NPEPPS: variants seen among roughly 807,000 people sequenced by gnomAD.
NPEPPS encodes puromycin-sensitive aminopeptidase.
Under a neutral mutation model 115.5 loss-of-function variants are expected in NPEPPS, and 14 were observed. The observed-to-expected ratio is 0.12, with a 90% CI of 0.08 to 0.19. The LOEUF (loss-of-function observed/expected upper bound fraction) is 0.19, where lower values mean the gene tolerates loss of function less well. Among genes scored for constraint, NPEPPS ranks in the 10% least tolerant of loss-of-function variants. The pLI, the probability that NPEPPS is intolerant of heterozygous loss-of-function variation, is 1.00. For synonymous variants in NPEPPS, 285 were observed against 390.6 expected, an observed-to-expected ratio of 0.73 and a Z score of 3.19; for missense variants, 523 against 1,110.8, an observed-to-expected ratio of 0.47 and a Z score of 7.52.
At chr17:47,550,366 C>T (rs1367081560) in intron 2 of NPEPPS, among the ~76,000 whole-genome samples, 2 of 139,174 alleles carry the variant, frequency 1.4e-5, no homozygotes, top group Middle Eastern at 4.0e-3. Flanking sequence ...CTTGCTGTAT[C>T]GCCCAGGCTG....
chr17:47,531,157 C>T lies in NPEPPS; in HGVS notation c.-144C>T, dbSNP rs1220755709. The T allele has an allele frequency of 7.5e-6, 8 of 1,073,120 alleles. No individual in the cohort carries two copies. Among genetic ancestry groups the T allele is most frequent in the Non-Finnish European group, 8.4e-6 (7 of 831,746 alleles). 66.5% of individuals were successfully genotyped at this position (1,073,120 alleles called of 1,614,324 possible). A position where few individuals can be genotyped will look rare whatever the true frequency, so the allele number is the denominator to read the frequency against. On this transcript the variant is annotated 5_prime_UTR_variant, in exon 1 of 23. Coordinates refer to ENST00000322157, the MANE Select transcript of NPEPPS (RefSeq NM_006310.4). ...GCGGGCCCTCCTCCCCTTCCCTCCC[C>T]TCCGCCCCCTTCCCCGTAGGCAGCC...
chr17:47,612,123 C>G (rs995357344), intron 17 of NPEPPS, among the ~76,000 whole-genome samples: 2 of 151,992 alleles, frequency 1.3e-5, no homozygotes, highest in African/African-American at 4.8e-5. Context: ...TTCTTTGAAC[C>G]TTGGGTCAAA....
chr17:47,557,720 T>G lies in NPEPPS; in HGVS notation c.341-11697T>G, dbSNP rs867932536. Among the ~76,000 whole-genome samples the G allele has an allele frequency of 8.1e-5, 12 of 149,030 alleles. No homozygotes were observed. The South Asian group carries it at 8.8e-4, about 11-fold the overall frequency. On this transcript the variant is annotated intron_variant, in intron 2 of 22. Coordinates refer to ENST00000322157, the MANE Select transcript of NPEPPS (RefSeq NM_006310.4). The stretch of plus-strand genomic sequence containing the variant: ...ATGGCTGTTGTTGCTTGCTGCTGCT[T>G]CTTTCCTATTTTTGTTGATAGCTTT...
chr17:47,568,198 C>T (rs1022191804), intron 2 of NPEPPS, among the ~76,000 whole-genome samples: 3 of 148,862 alleles, frequency 2.0e-5, no homozygotes, highest in Non-Finnish European at 4.4e-5. Context: ...GAGTCTCGCT[C>T]TGTCGCCCAG....
chr17:47,584,848 G>A (rs1221128965), intron 5 of NPEPPS, among the ~76,000 whole-genome samples: 4 of 152,140 alleles, frequency 2.6e-5, no homozygotes, highest in Admixed American at 2.6e-4. Context: ...TTATTTTTGA[G>A]AAGGAGTCTC....
intron 1 of NPEPPS, among the ~76,000 whole-genome samples, chr17:47,525,901 A>G (rs1243733754): frequency 1.3e-5 from 2 of 152,228 alleles, no homozygotes; most frequent in Non-Finnish European, 2.9e-5. Context: ...AAAGATACAC[A>G]TATAAAATAA....
Position 47,619,126 on chromosome 17 carries a change from C to A in NPEPPS, c.2521C>A (p.Arg841=). 2 of 1,613,760 alleles carry A rather than the reference C, an allele frequency of 1.2e-6. No individual in the cohort carries two copies. The highest frequency in any genetic ancestry group is 1.7e-6 in the Non-Finnish European group (2 of 1,179,798). The change falls in exon 21 of 23, where the codon CGA becomes AGA. Residue 841 remains arginine, a synonymous_variant. Coordinates refer to ENST00000322157, the MANE Select transcript of NPEPPS (RefSeq NM_006310.4). ...IKDNWEELYN[R]YQGGFLISRL... is the part of the protein sequence containing the mutation. Reference sequence around the variant, plus strand: ...GGACAACTGGGAAGAACTTTATAACCGATACCAGGGAGGATTCTTAATATC... The same window carrying A: ...GGACAACTGGGAAGAACTTTATAACAGATACCAGGGAGGATTCTTAATATC...
rs1319402363 is a variant in NPEPPS, at chr17:47,585,116, C to T, written c.649-384C>T. ...TGCTGGTATTACAGGCGTGAGCCAC[C>T]GCGCCTAGCCCCTATTTTATTTTTA... is the stretch of plus-strand genomic sequence containing the variant. On this transcript the variant is annotated intron_variant, in intron 5 of 22. Coordinates refer to ENST00000322157, the MANE Select transcript of NPEPPS (RefSeq NM_006310.4). Among the ~76,000 whole-genome samples, 4 of 152,170 alleles carry T rather than the reference C, an allele frequency of 2.6e-5. No homozygotes were observed. In the South Asian group the frequency reaches 6.2e-4, roughly 24 times the overall value.
At chr17:47,532,128 G>C (rs1907838931) in intron 1 of NPEPPS, among the ~76,000 whole-genome samples, 1 of 152,168 alleles carries the variant, frequency 6.6e-6, no homozygotes, top group Admixed American at 6.5e-5. Context: ...ATCCCAGGCA[G>C]CCTCGCTGAC....
intron 3 of NPEPPS, among the ~76,000 whole-genome samples, chr17:47,571,544 C>A (rs1382874392): frequency 1.3e-5 from 2 of 152,090 alleles, no homozygotes; most frequent in African/African-American, 4.8e-5. Context: ...CGGTGAAACC[C>A]TGTCTCTACT....
intron 17 of NPEPPS, among the ~76,000 whole-genome samples, chr17:47,606,711 G>A (rs571770133): frequency 1.3e-5 from 2 of 152,318 alleles, no homozygotes; most frequent in South Asian, 4.1e-4. Context: ...CCAAAGTGCT[G>A]TATTACAGGC....
upstream of NPEPPS, among the ~76,000 whole-genome samples, chr17:47,527,607 C>T (rs1205461945): frequency 6.6e-6 from 1 of 151,270 alleles, no homozygotes; most frequent in African/African-American, 2.4e-5. Context: ...CCTGTAATCC[C>T]AGCCCTTAGG....
intron 19 of NPEPPS, among the ~76,000 whole-genome samples, chr17:47,615,021 T>C (rs1914103416): frequency 6.6e-6 from 1 of 151,978 alleles, no homozygotes; most frequent in Non-Finnish European, 1.5e-5. Context: ...TTTAAGAAAC[T>C]GTACCTCAAA....
At chr17:47,608,851 C>G (rs1309242804) in intron 17 of NPEPPS, among the ~76,000 whole-genome samples, 2 of 152,168 alleles carry the variant, frequency 1.3e-5, no homozygotes, top group Non-Finnish European at 2.9e-5. Context: ...TCAGATGCTA[C>G]TACACTAAGT....
At chr17:47,610,385 T>C (rs1913770877) in intron 17 of NPEPPS, among the ~76,000 whole-genome samples, 1 of 148,536 alleles carries the variant, frequency 6.7e-6, no homozygotes. Context: ...CTTTCATTCC[T>C]TTTTTTTTTG....
At chr17:47,535,599 A>G (rs1313121241) in intron 1 of NPEPPS, among the ~76,000 whole-genome samples, 1 of 150,120 alleles carries the variant, frequency 6.7e-6, no homozygotes, top group Non-Finnish European at 1.5e-5. Context: ...AGTGTGGTCT[A>G]GCTGGTTTTG....
intron 2 of NPEPPS, among the ~76,000 whole-genome samples, chr17:47,563,251 C>T (rs1305802671): frequency 1.3e-5 from 2 of 152,060 alleles, no homozygotes; most frequent in Non-Finnish European, 2.9e-5. Flanking sequence ...AGGTTGGTCT[C>T]AGACTCCTGA....
In NPEPPS at chr17:47,524,768, T is replaced by G. The variant is rs563595016; in HGVS notation, c.77+1705T>G. 4.0e-5 allele frequency among the ~76,000 whole-genome samples: 6 copies of G among 151,156 alleles called. No homozygotes were observed. In the East Asian group the frequency reaches 1.2e-3, roughly 30 times the overall value. ...ATCCGTCTGCCTCGGCCTCCCAAAGTGCTGGGATTACAGGCGTGAGCCACC... is the reference window on the plus strand; with the variant it reads ...ATCCGTCTGCCTCGGCCTCCCAAAGGGCTGGGATTACAGGCGTGAGCCACC... On this transcript the variant is annotated intron_variant, in intron 1 of 5. Transcript: ENST00000525007.
rs1044030444 is a variant in NPEPPS at position 47,611,796 on chromosome 17, AG to A, written c.2096-661del. 4.7e-4 allele frequency among the ~76,000 whole-genome samples: 71 copies of A among 152,124 alleles called. 1 individual carries two copies. The highest frequency in any genetic ancestry group is 1.6e-3 in the African/African-American group (66 of 41,426). On this transcript the variant is annotated intron_variant, in intron 17 of 22. Coordinates refer to ENST00000322157, the MANE Select transcript of NPEPPS (RefSeq NM_006310.4). The stretch of plus-strand genomic sequence containing the variant: ...CCATAACTGTATGTTTAACCTTTTG[AG>A]GGACTGCCAGACTGATTTTCTAAGT...
Sources: allele counts gnomAD v4.1 joint callset (sites outside exome capture counted in the v4.1 genomes callset), GRCh38; gene constraint gnomAD v4.1.1; transcripts MANE v1.5; gene names NCBI Gene and HGNC (gene_info 2026-07-23, HGNC 2026-07-21).